Variants in EDARADD observed in about 807,000 individuals in gnomAD.
EDARADD encodes EDAR associated via death domain.
In EDARADD, 20 loss-of-function variants were observed where a neutral mutation model predicts 25.6. The ratio of observed to expected loss-of-function variants is 0.78; its 90% confidence interval spans 0.55 to 1.14. The LOEUF (loss-of-function observed/expected upper bound fraction) is 1.14. Among genes scored for constraint, EDARADD ranks in the 50% most tolerant of loss-of-function variants. EDARADD has a pLI of 0.00. For synonymous variants in EDARADD, 86 were observed against 94.4 expected (o/e 0.91, Z 0.52); for missense variants, 225 against 270.1 (o/e 0.83, Z 1.17).
chr1:236,432,843 C>A (rs1000376537), intron 4 of EDARADD, among the ~76,000 whole-genome samples: 1 of 151,836 alleles, frequency 6.6e-6, no homozygotes, highest in Admixed American at 6.6e-5. Flanking sequence ...CGAGATCATG[C>A]TCAGCTTGAG....
chr1:236,471,701 G>A (rs1257860490), intron 5 of EDARADD, among the ~76,000 whole-genome samples: 2 of 152,060 alleles, frequency 1.3e-5, no homozygotes, highest in African/African-American at 2.4e-5. Context: ...TGGTTATCCC[G>A]GGGAGCATCC....
chr1:236,468,376 C>A, intron 5 of EDARADD, 100 bp downstream of exon 5: 2 of 1,318,778 alleles, frequency 1.5e-6, no homozygotes, highest in South Asian at 2.4e-5. Flanking sequence ...GTAATTCCAG[C>A]ACTTTGGGAG....
intron 3 of EDARADD, among the ~76,000 whole-genome samples, chr1:236,371,423 TTTTTTGTC>T (rs1390211303): frequency 6.6e-6 from 1 of 152,156 alleles, no homozygotes; most frequent in African/African-American, 2.4e-5. Context: ...TTTATTTCCT[TTTTTTGTC>T]TTATTGCCTT....
At chr1:236,419,911 C>CT (rs1455285097) in intron 3 of EDARADD, among the ~76,000 whole-genome samples, 1 of 152,216 alleles carries the variant, frequency 6.6e-6, no homozygotes, top group Non-Finnish European at 1.5e-5. Flanking sequence ...TGGACGGTGA[C>CT]TCGCGCCTGT....
chr1:236,466,872 T>G (rs1238112155), intron 4 of EDARADD, among the ~76,000 whole-genome samples: 1 of 152,022 alleles, frequency 6.6e-6, no homozygotes, highest in Non-Finnish European at 1.5e-5. Context: ...TTCGAGACCA[T>G]CCCGGCCAAC....
intron 3 of EDARADD, among the ~76,000 whole-genome samples, chr1:236,377,608 C>T (rs1489780110): frequency 6.6e-6 from 1 of 151,184 alleles, no homozygotes; most frequent in Non-Finnish European, 1.5e-5. Context: ...GCCTGTAATC[C>T]CAGCACTTTG....
At position 236,483,533 on chromosome 1, in the gene EDARADD, T is replaced by C. The variant is rs879150299; in HGVS notation, c.*884T>C. On this transcript the variant is annotated 3_prime_UTR_variant, in exon 6 of 6. Coordinates refer to ENST00000334232, the MANE Select transcript of EDARADD (RefSeq NM_145861.4). ...CCCTCGCTGCCTGCAAAGCTAGTGC[T>C]GTTGAGAAGGGGGTTCCCCTGTACC... 1.8e-6 allele frequency: 2 copies of C among 1,088,448 alleles called. No homozygotes were observed. The highest frequency in any genetic ancestry group is 2.8e-6 in the Non-Finnish European group (2 of 703,130). The allele number at this position is 1,088,448 out of a possible 1,614,324, so 67.4% of individuals were successfully genotyped here.
chr1:236,453,197 TAC>T (rs1352227764), intron 4 of EDARADD, among the ~76,000 whole-genome samples: 1 of 152,146 alleles, frequency 6.6e-6, no homozygotes, highest in Non-Finnish European at 1.5e-5. Flanking sequence ...TAGCAGTAAC[TAC>T]AGTCTTGTGC....
chr1:236,425,379 T>C (rs665568), intron 3 of EDARADD, among the ~76,000 whole-genome samples: 70,027 of 152,050 alleles, frequency 0.46, 17,980 homozygotes, highest in Non-Finnish European at 0.59. Context: ...GCTGAGGGGA[T>C]GGGCAGGGTC....
At chr1:236,441,774 C>A (rs1658409691) in intron 4 of EDARADD, among the ~76,000 whole-genome samples, 2 of 151,978 alleles carry the variant, frequency 1.3e-5, no homozygotes, top group Non-Finnish European at 1.5e-5. Context: ...AAGTAATCCA[C>A]CTGTCTCGGC....
rs1255534057 is a variant in EDARADD, at chr1:236,482,644, T to G, written c.643T>G (p.Phe215Val). The change falls in exon 6 of 6, where the codon TTC becomes GTC. Residue 215 changes from phenylalanine (F) to valine (V), a missense_variant. Physicochemically the swap from Phe to Val is conservative, Grantham distance 50. Transcript: ENST00000334232. ...KRERGDPSRH[F>V] is the part of the protein sequence containing the mutation. ...GGAGCGTGGAGACCCCTCCAGGCAC[T>G]TCTAGAGCTCTTCTTCTTCCTTCAT... 1 of 1,611,794 alleles carries G rather than the reference T, an allele frequency of 6.2e-7. No homozygotes were observed. The highest frequency in any genetic ancestry group is 8.5e-7 in the Non-Finnish European group (1 of 1,180,022).
At chr1:236,442,535 A>G (rs376522719) in intron 4 of EDARADD, among the ~76,000 whole-genome samples, 4 of 152,254 alleles carry the variant, frequency 2.6e-5, no homozygotes, top group African/African-American at 9.6e-5. Context: ...GGGTTAATGC[A>G]GCCGATGACC....
upstream of EDARADD, among the ~76,000 whole-genome samples, chr1:236,393,391 CTTT>C (rs761525038): frequency 5.7e-4 from 50 of 87,196 alleles, no homozygotes; most frequent in African/African-American, 2.1e-3. Context: ...TTCTTTCTTT[CTTT>C]TTTTTTTTTT....
At chr1:236,468,303 G>A (rs878931623) in intron 5 of EDARADD, 27 bp downstream of exon 5, 2 of 1,610,148 alleles carry the variant, frequency 1.2e-6, no homozygotes, top group African/African-American at 1.3e-5. Flanking sequence ...AAAGCTATCT[G>A]GGCTAATAGC....
chr1:236,452,504 C>T (rs78535975), intron 4 of EDARADD, among the ~76,000 whole-genome samples: 4 of 127,200 alleles, frequency 3.1e-5, no homozygotes, highest in Non-Finnish European at 6.3e-5. Context: ...GATCCCCCCT[C>T]TCTCTCTCTC....
chr1:236,418,396 C>T (rs1481617852), intron 3 of EDARADD, among the ~76,000 whole-genome samples: 1 of 151,910 alleles, frequency 6.6e-6, no homozygotes, highest in South Asian at 2.1e-4. Context: ...AGGCGACCAC[C>T]ACCACACCCA....
At chr1:236,473,658 G>T (rs940158534) in intron 5 of EDARADD, among the ~76,000 whole-genome samples, 1 of 152,112 alleles carries the variant, frequency 6.6e-6, no homozygotes, top group African/African-American at 2.4e-5. Flanking sequence ...GGTGGCGTGC[G>T]CCTGTGGTCC....
chr1:236,436,398 G>A (rs904157069), intron 4 of EDARADD, among the ~76,000 whole-genome samples: 29 of 151,912 alleles, frequency 1.9e-4, no homozygotes, highest in Non-Finnish European at 3.5e-4. Flanking sequence ...CTGGCCTCAG[G>A]TGATCTGCCC....
intron 4 of EDARADD, among the ~76,000 whole-genome samples, chr1:236,456,973 T>C (rs76799588): frequency 6.6e-5 from 10 of 152,198 alleles, no homozygotes; most frequent in Admixed American, 1.3e-4. Context: ...ATGTTTTTGA[T>C]TGCTGGAAAA....
Sources: allele counts gnomAD v4.1 joint callset (sites outside exome capture counted in the v4.1 genomes callset), GRCh38; gene constraint gnomAD v4.1.1; transcripts MANE v1.5; gene names NCBI Gene and HGNC (gene_info 2026-07-23, HGNC 2026-07-21).